The following SFMBT2 variants were observed in gnomAD, a reference collection of about 807,000 sequenced individuals.
SFMBT2 encodes the protein Scm like with four mbt domains 2, also known as scm-like with four MBT domains protein 2.
A neutral mutation model predicts 110.1 loss-of-function variants in SFMBT2; 38 were observed. The ratio of observed to expected loss-of-function variants is 0.35; its 90% confidence interval spans 0.27 to 0.45. The LOEUF (loss-of-function observed/expected upper bound fraction) is 0.45, where lower values mean the gene tolerates loss of function less well. SFMBT2 is among the 20% of genes least tolerant of loss of function. The probability of loss-of-function intolerance (pLI) is 1.00; values close to 1 mark genes in which losing one functional copy is unlikely to be tolerated. For synonymous variants in SFMBT2, 425 were observed against 425.4 expected, an observed-to-expected ratio of 1.00 and a Z score of 0.01; for missense variants, 1,011 against 1,094.9, an observed-to-expected ratio of 0.92 and a Z score of 1.08.
At chr10:7,295,628 T>C (rs572704046) in intron 4 of SFMBT2, among the ~76,000 whole-genome samples, 6 of 152,264 alleles carry the variant, frequency 3.9e-5, no homozygotes, top group Non-Finnish European at 8.8e-5. Flanking sequence ...CATTTCTTTT[T>C]ATTTTTTATT....
At chr10:7,376,071 A>G (rs988728745) in intron 2 of SFMBT2, among the ~76,000 whole-genome samples, 1 of 152,204 alleles carries the variant, frequency 6.6e-6, no homozygotes, top group African/African-American at 2.4e-5. Context: ...CGCTTTATCT[A>G]TAGACTTCAT....
chr10:7,250,837 G>C (rs1177464965), intron 7 of SFMBT2, among the ~76,000 whole-genome samples: 1 of 152,124 alleles, frequency 6.6e-6, no homozygotes, highest in African/African-American at 2.4e-5. Context: ...TTTTAAAGGT[G>C]GCTGGGGGAA....
intron 2 of SFMBT2, among the ~76,000 whole-genome samples, chr10:7,373,706 G>A (rs1310091521): frequency 2.0e-5 from 3 of 152,108 alleles, no homozygotes; most frequent in African/African-American, 7.2e-5. Flanking sequence ...CTCCATGTTG[G>A]TGAACCCTGA....
At chr10:7,381,577 G>C (rs1190993366) in intron 2 of SFMBT2, among the ~76,000 whole-genome samples, 2 of 152,186 alleles carry the variant, frequency 1.3e-5, no homozygotes, top group Non-Finnish European at 2.9e-5. Context: ...CTGAAGTGAT[G>C]TGTTGCTGCA....
chr10:7,172,235 G>A lies in SFMBT2; in HGVS notation c.2152-77C>T. The A allele has an allele frequency of 6.7e-7, 1 of 1,492,284 alleles. No individual in the cohort carries two copies. 92.4% of individuals were successfully genotyped at this position (1,492,284 alleles called of 1,614,324 possible). On this transcript the variant is annotated intron_variant, in intron 18 of 20. Coordinates refer to ENST00000397167, the MANE Select transcript of SFMBT2 (RefSeq NM_001387889.1). The surrounding 1 kb of genome is among the most constrained non-coding windows in gnomAD (Gnocchi z 4.6). ...CGGTGGCCCCGCGGTCAGACCCTGG[G>A]CCCAGTGCAGACCACCTAGCAAACC...
rs547898055 is a variant in SFMBT2, at chr10:7,165,731, C to G, written c.2545-1821G>C. Among the ~76,000 whole-genome samples, 10 of 152,330 alleles carry G rather than the reference C, an allele frequency of 6.6e-5. No individual in the cohort carries two copies. The South Asian group carries it at 2.1e-3, about 32-fold the overall frequency. ...TTGTATACACACTGAAAGCAGGAGA[C>G]AAACTGTAGAAAACTGTCACTATAT... On this transcript the variant is annotated intron_variant, in intron 20 of 20. Coordinates refer to ENST00000397167, the MANE Select transcript of SFMBT2 (RefSeq NM_001387889.1).
intron 1 of SFMBT2, 73 bp from the exon 2 acceptor site, chr10:7,382,022 G>T (rs2254760): frequency 0.92 from 790,412 of 862,114 alleles, 362,913 homozygotes; most frequent in East Asian, 1. Context: ...TTTTAATTTT[G>T]TTTAAAAAAA....
intron 16 of SFMBT2, among the ~76,000 whole-genome samples, chr10:7,182,999 C>T (rs1217162565): frequency 6.6e-6 from 1 of 152,024 alleles, no homozygotes; most frequent in Non-Finnish European, 1.5e-5. Flanking sequence ...CTCTCATAAA[C>T]ACTAAGTTTT....
intron 12 of SFMBT2, chr10:7,205,319 TG>T: frequency 1.3e-6 from 1 of 742,624 alleles, no homozygotes; most frequent in Non-Finnish European, 1.6e-6. Flanking sequence ...CTCAAAATCC[TG>T]GGCTCAAGCA....
chr10:7,175,839 A>G (rs1838037262), intron 17 of SFMBT2, 151 bp downstream of exon 17: 2 of 699,088 alleles, frequency 2.9e-6, no homozygotes, highest in Admixed American at 2.9e-5. Context: ...CTGCTACAGC[A>G]AATCCTTAAA....
intron 14 of SFMBT2, chr10:7,198,268 T>A (rs1188641371): frequency 2.3e-6 from 1 of 428,102 alleles, no homozygotes; most frequent in South Asian, 9.8e-5. Context: ...TTTGACTCTA[T>A]TGAATTAATG....
chr10:7,344,115 T>C (rs1476885700), intron 4 of SFMBT2, among the ~76,000 whole-genome samples: 1 of 152,232 alleles, frequency 6.6e-6, no homozygotes, highest in African/African-American at 2.4e-5. Context: ...TATTTGTGCA[T>C]GCACAAGTCA....
At chr10:7,241,340 T>C in intron 9 of SFMBT2, 1 of 982,632 alleles carries the variant, frequency 1.0e-6, no homozygotes, top group Non-Finnish European at 1.2e-6. Flanking sequence ...GCTTTAATGG[T>C]TTAAAAAGAG....
At chr10:7,380,600 C>CA (rs1845391849) in intron 2 of SFMBT2, among the ~76,000 whole-genome samples, 1 of 152,062 alleles carries the variant, frequency 6.6e-6, no homozygotes, top group African/African-American at 2.4e-5. Context: ...GTTTACAACT[C>CA]AGAGGACTAA....
chr10:7,234,060 C>T (rs1444370658), intron 9 of SFMBT2, among the ~76,000 whole-genome samples: 1 of 152,216 alleles, frequency 6.6e-6, no homozygotes, highest in Non-Finnish European at 1.5e-5. Flanking sequence ...TAAAAAACTA[C>T]AACCTCCCTC....
At chr10:7,281,472 G>A (rs535453960) in intron 6 of SFMBT2, among the ~76,000 whole-genome samples, 13 of 152,118 alleles carry the variant, frequency 8.5e-5, no homozygotes, top group African/African-American at 2.6e-4. Flanking sequence ...CGAGAAAATC[G>A]GCCTAGTATT....
chr10:7,172,131 T>C lies in SFMBT2; in HGVS notation c.2179A>G (p.Met727Val). The C allele has an allele frequency of 6.4e-7, 1 of 1,573,026 alleles. No individual in the cohort carries two copies. Among genetic ancestry groups the C allele is most frequent in the African/African-American group, 1.4e-5 (1 of 73,304 alleles). Residue 727 changes from methionine to valine, a missense_variant, in exon 19 of 21, where the codon ATG becomes GTG. Met to Val is a conservative substitution (Grantham distance 21). Transcript: ENST00000397167. This position sits in a 1 kb window ranked among gnomAD's most constrained non-coding sequence, Gnocchi z 4.6. ...TCCTCACTGGCGGTGTCATCGTCCA[T>C]GGCGTCAGCGTCCTCCTCTTCACTT... Reference protein sequence around the residue: ...EESEEEDADAMDDDTASEETG... With the variant: ...EESEEEDADAVDDDTASEETG...
chr10:7,289,668 T>C (rs549433647), intron 4 of SFMBT2, among the ~76,000 whole-genome samples: 1 of 152,376 alleles, frequency 6.6e-6, no homozygotes, highest in South Asian at 2.1e-4. Flanking sequence ...AGAATCTTGC[T>C]AATTTTATAA....
intron 17 of SFMBT2, among the ~76,000 whole-genome samples, chr10:7,174,114 G>A (rs960325107): frequency 5.3e-5 from 8 of 152,220 alleles, no homozygotes; most frequent in African/African-American, 9.6e-5. Flanking sequence ...CACCTGCTCC[G>A]GGAGCCCCGG....
Sources: gnomAD v4.1 joint callset for allele counts (sites outside exome capture counted in the v4.1 genomes callset) on GRCh38, gnomAD v4.1.1 for gene constraint, Gnocchi (gnomAD v3.1) non-coding constraint, MANE v1.5 for transcripts, NCBI Gene and HGNC (gene_info 2026-07-23, HGNC 2026-07-21) for gene names.